Variants in SNAP91 observed in about 807,000 individuals in gnomAD.
The protein encoded by SNAP91 is clathrin coat assembly protein AP180.
SNAP91 carries 27 observed loss-of-function variants against 100.3 expected under a neutral mutation model. The ratio of observed to expected loss-of-function variants is 0.27; its 90% CI spans 0.20 to 0.37. SNAP91 has a LOEUF of 0.37. SNAP91 is among the 10% of genes least tolerant of loss of function. The probability of loss-of-function intolerance (pLI) is 1.00; values close to 1 mark genes in which losing one functional copy is unlikely to be tolerated. For synonymous variants in SNAP91, 404 were observed against 398.6 expected (o/e 1.01, Z -0.16); for missense variants, 986 against 1,123.7 (o/e 0.88, Z 1.75).
intron 7 of SNAP91, among the ~76,000 whole-genome samples, chr6:83,645,064 C>T (rs2097860994): frequency 6.6e-6 from 1 of 152,096 alleles, no homozygotes; most frequent in Non-Finnish European, 1.5e-5. Flanking sequence ...AATTCTCAAG[C>T]CCCACCTCAG....
At chr6:83,586,772 A>G (rs1395064385) in intron 22 of SNAP91, among the ~76,000 whole-genome samples, 1 of 152,044 alleles carries the variant, frequency 6.6e-6, no homozygotes, top group Non-Finnish European at 1.5e-5. Flanking sequence ...GGAAAGAATT[A>G]CTCATTGTTG....
intron 2 of SNAP91, among the ~76,000 whole-genome samples, chr6:83,703,090 C>T (rs2099335635): frequency 6.6e-6 from 1 of 151,512 alleles, no homozygotes; most frequent in South Asian, 2.1e-4. Context: ...CACCCTTGGG[C>T]TGGGTCTTCT....
At chr6:83,612,872 G>C (rs1305579837) in intron 11 of SNAP91, among the ~76,000 whole-genome samples, 1 of 127,796 alleles carries the variant, frequency 7.8e-6, no homozygotes, top group East Asian at 2.3e-4. Context: ...TCCAGTCTAG[G>C]AGACAGAGCG....
At chr6:83,565,047 T>C (rs1794659966) in intron 26 of SNAP91, among the ~76,000 whole-genome samples, 1 of 150,590 alleles carries the variant, frequency 6.6e-6, no homozygotes, top group South Asian at 2.1e-4. Flanking sequence ...TAAAGATCTC[T>C]TTCAACTCCA....
At chr6:83,586,215 T>C (rs1008288173) in intron 22 of SNAP91, among the ~76,000 whole-genome samples, 9 of 152,242 alleles carry the variant, frequency 5.9e-5, no homozygotes, top group Non-Finnish European at 1.0e-4. Flanking sequence ...ATTGATCCTC[T>C]GTAGACTTTT....
In SNAP91 at chr6:83,580,604, A is replaced by G. The variant is rs1826721928; in HGVS notation, c.2150-5T>C. On this transcript the variant is annotated splice_region_variant and splice_polypyrimidine_tract_variant and intron_variant, in intron 23 of 29. Coordinates refer to ENST00000369694, the MANE Select transcript of SNAP91 (RefSeq NM_001242792.2). Reference sequence around the variant, plus strand: ...GATCACCTAGACCATCAAACACTGGAAATCAAATAGACTAGGTTCAGAATA... The same window carrying G: ...GATCACCTAGACCATCAAACACTGGGAATCAAATAGACTAGGTTCAGAATA... 1 of 1,599,236 alleles carries G rather than the reference A, an allele frequency of 6.3e-7. No individual in the cohort carries two copies. Among genetic ancestry groups the G allele is most frequent in the Non-Finnish European group, 8.5e-7 (1 of 1,175,504 alleles).
intron 14 of SNAP91, among the ~76,000 whole-genome samples, chr6:83,602,321 T>C (rs561160416): frequency 6.6e-6 from 1 of 152,258 alleles, no homozygotes; most frequent in South Asian, 2.1e-4. Flanking sequence ...TTACAATGTG[T>C]CCCCTGAAAT....
intron 8 of SNAP91, among the ~76,000 whole-genome samples, chr6:83,634,343 T>C (rs1245899532): frequency 6.6e-6 from 1 of 151,898 alleles, no homozygotes; most frequent in Non-Finnish European, 1.5e-5. Flanking sequence ...TCTCCTGTTA[T>C]CTAGGCCTAC....
rs540563920 is a variant in SNAP91, at chr6:83,570,945, C to T, written c.2442+4065G>A. 8.5e-5 allele frequency among the ~76,000 whole-genome samples: 13 copies of T among 152,164 alleles called. No homozygotes were observed. The East Asian group carries it at 2.3e-3, about 27-fold the overall frequency. On this transcript the variant is annotated intron_variant, in intron 26 of 29. Transcript: ENST00000369694. Reference sequence around the variant, plus strand: ...ACCAAGTGGAGCTATGAGAAGAAGGCCACTGTCCTCCAGACCCCAGAGTGG... The same window carrying T: ...ACCAAGTGGAGCTATGAGAAGAAGGTCACTGTCCTCCAGACCCCAGAGTGG...
At chr6:83,662,066 A>G (rs2098553327) in intron 4 of SNAP91, among the ~76,000 whole-genome samples, 1 of 152,054 alleles carries the variant, frequency 6.6e-6, no homozygotes, top group Non-Finnish European at 1.5e-5. Context: ...GACATCTTTT[A>G]TTTCATTGTC....
chr6:83,622,223 G>A (rs1408098879), intron 9 of SNAP91, among the ~76,000 whole-genome samples: 6 of 151,936 alleles, frequency 3.9e-5, no homozygotes, highest in African/African-American at 1.2e-4. Flanking sequence ...AAAATACAAT[G>A]CCATCATGTT....
chr6:83,682,863 G>T (rs1240883261), intron 2 of SNAP91, among the ~76,000 whole-genome samples: 3 of 151,250 alleles, frequency 2.0e-5, no homozygotes, highest in Non-Finnish European at 4.4e-5. Context: ...CCTCTCTTAT[G>T]CCTGTATTAT....
chr6:83,620,995 G>A (rs374509046), intron 9 of SNAP91, among the ~76,000 whole-genome samples: 18 of 152,144 alleles, frequency 1.2e-4, no homozygotes, highest in African/African-American at 4.1e-4. Context: ...GAGCCACCGC[G>A]CCCAGCCTGA....
At chr6:83,690,235 G>T in intron 2 of SNAP91, 1 of 1,085,850 alleles carries the variant, frequency 9.2e-7, no homozygotes, top group Non-Finnish European at 1.1e-6. Flanking sequence ...ATACTACTAT[G>T]ATGAACAAAT....
rs1562072085 is a variant in SNAP91 at position 83,556,397 on chromosome 6, A to AGGG, written c.2632-153_2632-152insCCC. ...AGAGAGAGAGAGAGAGAGAGAGAGA[A>AGGG]AAGCATTAGGCAGAACACATATCAA... On this transcript the variant is annotated intron_variant, in intron 28 of 29. Coordinates refer to ENST00000369694, the MANE Select transcript of SNAP91 (RefSeq NM_001242792.2). Among the ~76,000 whole-genome samples, 62 of 38,202 alleles carry AGGG rather than the reference A, an allele frequency of 1.6e-3. 6 individuals are homozygous for AGGG. The highest frequency in any genetic ancestry group is 6.3e-3 in the African/African-American group (57 of 8,992). 25.1% of individuals were successfully genotyped at this position (38,202 alleles called of 152,430 possible). A position where few individuals can be genotyped will look rare whatever the true frequency, so the allele number is the denominator to read the frequency against.
intron 7 of SNAP91, among the ~76,000 whole-genome samples, chr6:83,650,478 G>A (rs1215230464): frequency 3.3e-5 from 5 of 152,110 alleles, no homozygotes; most frequent in Admixed American, 2.0e-4. Flanking sequence ...GAGTGCAGTG[G>A]CACAATCTCA....
chr6:83,655,693 T>C (rs1442751362), intron 7 of SNAP91, among the ~76,000 whole-genome samples: 2 of 152,226 alleles, frequency 1.3e-5, no homozygotes, highest in Admixed American at 1.3e-4. Flanking sequence ...AATAATAAAG[T>C]TGAACAAGTG....
intron 26 of SNAP91, among the ~76,000 whole-genome samples, chr6:83,562,125 A>G (rs1286157622): frequency 6.6e-6 from 1 of 152,222 alleles, no homozygotes; most frequent in African/African-American, 2.4e-5. Context: ...AAGAATTAAT[A>G]CCAATTCTTC....
rs116631104 is a variant in SNAP91, at chr6:83,693,276, T to G, written c.130+14522A>C. 8.2e-3 allele frequency among the ~76,000 whole-genome samples: 1,244 copies of G among 152,234 alleles called. 15 individuals are homozygous for G. Among genetic ancestry groups the G allele is most frequent in the African/African-American group, 0.028 (1,174 of 41,538 alleles). On this transcript the variant is annotated intron_variant, in intron 2 of 29. Coordinates refer to ENST00000369694, the MANE Select transcript of SNAP91 (RefSeq NM_001242792.2). Reference sequence around the variant, plus strand: ...CTCTGTAAACTGGGAATAAGAGTATTTAACTAATGGGCTTTGTGAAGATGA... The same window carrying G: ...CTCTGTAAACTGGGAATAAGAGTATGTAACTAATGGGCTTTGTGAAGATGA...
Sources: gnomAD v4.1 joint callset for allele counts (sites outside exome capture counted in the v4.1 genomes callset) on GRCh38, gnomAD v4.1.1 for gene constraint, MANE v1.5 for transcripts, NCBI Gene and HGNC (gene_info 2026-07-23, HGNC 2026-07-21) for gene names.